The following FAAH2 variants were observed in gnomAD, a reference collection of about 807,000 sequenced individuals.
FAAH2 encodes the protein fatty-acid amide hydrolase 2.
FAAH2 carries 60 observed loss-of-function variants against 36.9 expected under a neutral mutation model. That is an observed-to-expected ratio of 1.63 (90% CI 1.32 to 2.02). The LOEUF (loss-of-function observed/expected upper bound fraction) is 2.02. FAAH2 is among the 30% of genes most tolerant of loss of function. The pLI is 0.00. For synonymous variants in FAAH2, 214 were observed against 143.8 expected, an observed-to-expected ratio of 1.49 and a Z score of -3.49; for missense variants, 689 against 397.5, an observed-to-expected ratio of 1.73 and a Z score of -6.23.
intron 7 of FAAH2, among the ~76,000 whole-genome samples, chrX:57,411,787 C>A (rs765253152): frequency 9.0e-6 from 1 of 111,720 alleles, no homozygotes; most frequent in African/African-American, 3.3e-5. Flanking sequence ...AGAGGTGATA[C>A]AGTTAATGGG....
At chrX:57,423,333 G>A (rs183842421) in intron 7 of FAAH2, among the ~76,000 whole-genome samples, 180 of 111,668 alleles carry the variant, frequency 1.6e-3, no homozygotes, top group African/African-American at 5.3e-3. Flanking sequence ...GTGTGGCATG[G>A]GCATGAGCTG....
At chrX:57,158,484 T>C in the FAAH2 span, among the ~76,000 whole-genome samples, 15 of 111,970 alleles carry the variant, frequency 1.3e-4, no homozygotes, top group Non-Finnish European at 2.8e-4. Flanking sequence ...AGTGTTCCTA[T>C]TTGTCCACAT....
At chrX:57,166,490 A>G in the FAAH2 span, among the ~76,000 whole-genome samples, 1 of 111,998 alleles carries the variant, frequency 8.9e-6, no homozygotes, top group Non-Finnish European at 1.9e-5. Flanking sequence ...GGGTATACCG[A>G]GCACTAGGGC....
chrX:57,165,042 G>T, the FAAH2 span, among the ~76,000 whole-genome samples: 3 of 112,101 alleles, frequency 2.7e-5, no homozygotes, highest in Non-Finnish European at 5.6e-5. Flanking sequence ...ATTTTCTTTG[G>T]CCATACTATG....
the FAAH2 span, among the ~76,000 whole-genome samples, chrX:57,220,133 C>T: frequency 1.8e-5 from 2 of 108,539 alleles, no homozygotes; most frequent in Middle Eastern, 4.7e-3. Context: ...TCCTCCCAAC[C>T]GTACCTCTTT....
intron 5 of FAAH2, among the ~76,000 whole-genome samples, chrX:57,343,801 G>T (rs1201264021): frequency 1.8e-5 from 2 of 111,537 alleles, no homozygotes; most frequent in African/African-American, 6.5e-5. Flanking sequence ...TATGGTGAAA[G>T]GTAGGGATCC....
the FAAH2 span, among the ~76,000 whole-genome samples, chrX:57,166,856 G>A: frequency 8.9e-6 from 1 of 111,814 alleles, no homozygotes; most frequent in Non-Finnish European, 1.9e-5. Flanking sequence ...GATAAAAACT[G>A]ACTTGATCTT....
chrX:57,263,140 C>T, the FAAH2 span, among the ~76,000 whole-genome samples: 1 of 111,245 alleles, frequency 9.0e-6, no homozygotes, highest in Admixed American at 9.6e-5. Context: ...AAATTCTGAT[C>T]AGAAAGGAAG....
the FAAH2 span, among the ~76,000 whole-genome samples, chrX:57,258,341 G>A: frequency 9.0e-6 from 1 of 111,238 alleles, no homozygotes; most frequent in Non-Finnish European, 1.9e-5. Flanking sequence ...ATAAATCTTA[G>A]AGAAGAAAAT....
the FAAH2 span, among the ~76,000 whole-genome samples, chrX:57,274,490 G>A: frequency 8.9e-6 from 1 of 111,912 alleles, no homozygotes; most frequent in Admixed American, 9.5e-5. Context: ...GATAAATATC[G>A]ATGTGACAAT....
At position 57,463,167 on chromosome X, in the gene FAAH2, A is replaced by G. The variant is rs747642333; in HGVS notation, c.1423+14449A>G. On this transcript the variant is annotated intron_variant, in intron 10 of 10. Transcript: ENST00000374900. Reference sequence around the variant, plus strand: ...CTCAAGGAAATAAGAGAGGACACAAACAAATGAAAAAACATTCCATACTGA... The same window carrying G: ...CTCAAGGAAATAAGAGAGGACACAAGCAAATGAAAAAACATTCCATACTGA... 5.4e-5 allele frequency among the ~76,000 whole-genome samples: 6 copies of G among 111,856 alleles called. No homozygotes were observed. In the East Asian group the frequency reaches 1.7e-3, roughly 31 times the overall value.
In FAAH2 at chrX:57,358,584, G is replaced by A. The variant is rs192230209; in HGVS notation, c.742+17194G>A. ...ATGTGTGTGTGTGTATATATATAGAGAGAGAGTTTCTCAACCTGTTCATCT... is the reference window on the plus strand; with the variant it reads ...ATGTGTGTGTGTGTATATATATAGAAAGAGAGTTTCTCAACCTGTTCATCT... On this transcript the variant is annotated intron_variant, in intron 5 of 10. Coordinates refer to ENST00000374900, the MANE Select transcript of FAAH2 (RefSeq NM_174912.4). Among the ~76,000 whole-genome samples, 27 of 111,393 alleles carry A rather than the reference G, an allele frequency of 2.4e-4. No homozygotes were observed. The East Asian group carries it at 7.6e-3, about 31-fold the overall frequency.
At chrX:57,479,466 T>C (rs988802881) in intron 10 of FAAH2, among the ~76,000 whole-genome samples, 22 of 111,622 alleles carry the variant, frequency 2.0e-4, no homozygotes, top group African/African-American at 7.2e-4. Context: ...CGTTTCCTAA[T>C]TGAATGCCCT....
the FAAH2 span, among the ~76,000 whole-genome samples, chrX:57,195,652 G>A: frequency 9.0e-6 from 1 of 111,718 alleles, no homozygotes; most frequent in African/African-American, 3.3e-5. Flanking sequence ...TTTACTTTTG[G>A]ATTCTTGATC....
At chrX:57,404,187 G>T (rs1313667002) in intron 7 of FAAH2, among the ~76,000 whole-genome samples, 1 of 111,901 alleles carries the variant, frequency 8.9e-6, no homozygotes, top group Non-Finnish European at 1.9e-5. Context: ...ACAACAAAGT[G>T]GTATTGGAGT....
chrX:57,270,791 G>T, the FAAH2 span, among the ~76,000 whole-genome samples: 3 of 111,655 alleles, frequency 2.7e-5, no homozygotes, highest in Non-Finnish European at 5.6e-5. Context: ...AGGAACTCCA[G>T]CACAGATACT....
the FAAH2 span, among the ~76,000 whole-genome samples, chrX:57,258,869 T>A: frequency 2.3e-4 from 25 of 107,355 alleles, no homozygotes; most frequent in African/African-American, 7.2e-4. Context: ...CCACCACGCC[T>A]GGCTAATTTT....
chrX:57,313,676 A>T (rs2052757703), intron 3 of FAAH2, among the ~76,000 whole-genome samples: 1 of 110,808 alleles, frequency 9.0e-6, no homozygotes, highest in African/African-American at 3.3e-5. Flanking sequence ...AATGAAGGAG[A>T]AATAAAATTC....
chrX:57,408,783 A>G (rs1017728190), intron 7 of FAAH2, among the ~76,000 whole-genome samples: 1 of 111,174 alleles, frequency 9.0e-6, no homozygotes, highest in Non-Finnish European at 1.9e-5. Flanking sequence ...AATAATGTTG[A>G]ATCTTGTCAA....
Sources: gnomAD v4.1 joint callset for allele counts (sites outside exome capture counted in the v4.1 genomes callset) on GRCh38, gnomAD v4.1.1 for gene constraint, MANE v1.5 for transcripts, NCBI Gene and HGNC (gene_info 2026-07-23, HGNC 2026-07-21) for gene names.